Variants in FAM171A1 observed in about 807,000 individuals in gnomAD.
FAM171A1 encodes the protein family with sequence similarity 171 member A1, also known as protein FAM171A1.
A neutral mutation model predicts 74.9 loss-of-function variants in FAM171A1; 23 were observed. That is an observed-to-expected ratio of 0.31 (90% CI 0.22 to 0.44). The LOEUF (loss-of-function observed/expected upper bound fraction) is 0.44. Among genes scored for constraint, FAM171A1 ranks in the 20% least tolerant of loss-of-function variants. The probability of loss-of-function intolerance (pLI) is 1.00; values close to 1 mark genes in which losing one functional copy is unlikely to be tolerated. For synonymous variants in FAM171A1, 527 were observed against 505.7 expected (o/e 1.04, Z -0.57); for missense variants, 1,162 against 1,159.2 (o/e 1.00, Z -0.03).
chr10:15,248,616 G>A (rs1294485511), intron 5 of FAM171A1, 23 bp downstream of exon 5: 8 of 1,568,682 alleles, frequency 5.1e-6, no homozygotes, highest in South Asian at 1.2e-5. Flanking sequence ...GTAGCCGATT[G>A]TCGGCACAGA....
At chr10:15,348,563 G>A (rs895718571) in intron 1 of FAM171A1, among the ~76,000 whole-genome samples, 8 of 152,138 alleles carry the variant, frequency 5.3e-5, no homozygotes, top group African/African-American at 1.2e-4. Flanking sequence ...CTATGACGGC[G>A]TCCTGGCTCT....
chr10:15,334,417 G>C (rs1356630508), intron 1 of FAM171A1, among the ~76,000 whole-genome samples: 1 of 152,190 alleles, frequency 6.6e-6, no homozygotes, highest in African/African-American at 2.4e-5. Flanking sequence ...GAAACATTTG[G>C]TGGTTAACCG....
chr10:15,339,024 C>A (rs1835734510), intron 1 of FAM171A1, among the ~76,000 whole-genome samples: 1 of 152,210 alleles, frequency 6.6e-6, no homozygotes, highest in African/African-American at 2.4e-5. Flanking sequence ...TAGGCATGAG[C>A]CACCGCACCC....
At chr10:15,251,377 TC>T (rs750745227) in intron 4 of FAM171A1, among the ~76,000 whole-genome samples, 82 of 151,434 alleles carry the variant, frequency 5.4e-4, no homozygotes, top group Non-Finnish European at 1.1e-3. Flanking sequence ...TCCCTCTATG[TC>T]CCCATGTTGT....
At chr10:15,272,043 C>T (rs1480690374) in intron 3 of FAM171A1, among the ~76,000 whole-genome samples, 1 of 152,086 alleles carries the variant, frequency 6.6e-6, no homozygotes, top group Non-Finnish European at 1.5e-5. Flanking sequence ...GAATATTAAC[C>T]TTAAATGTAA....
intron 1 of FAM171A1, among the ~76,000 whole-genome samples, chr10:15,360,840 A>G (rs1046844096): frequency 6.6e-6 from 1 of 151,672 alleles, no homozygotes; most frequent in African/African-American, 2.4e-5. Flanking sequence ...GCCCAACATC[A>G]CCCTGGCGGT....
rs544833037 is a variant in FAM171A1, at chr10:15,229,932, A to G, written c.755-8872T>C. On this transcript the variant is annotated intron_variant, in intron 5 of 7. Coordinates refer to ENST00000378116, the MANE Select transcript of FAM171A1 (RefSeq NM_001010924.2). ...CACCACCATCACCAACATCATCATC[A>G]TCACCATCACCATCATCACCATCAG... 9.3e-5 allele frequency among the ~76,000 whole-genome samples: 14 copies of G among 151,292 alleles called. 1 individual carries two copies. Among genetic ancestry groups the G allele is most frequent in the African/African-American group, 3.4e-4 (14 of 41,118 alleles).
intron 4 of FAM171A1, among the ~76,000 whole-genome samples, chr10:15,254,412 G>T (rs906959270): frequency 2.0e-4 from 31 of 152,208 alleles, no homozygotes; most frequent in African/African-American, 7.2e-4. Flanking sequence ...TAAAAAAATT[G>T]CAATTTCAAT....
intron 1 of FAM171A1, among the ~76,000 whole-genome samples, chr10:15,325,471 G>T (rs755131600): frequency 6.6e-6 from 1 of 152,120 alleles, no homozygotes; most frequent in African/African-American, 2.4e-5. Flanking sequence ...TGGAGCCACC[G>T]TACTCCAGCT....
intron 7 of FAM171A1, among the ~76,000 whole-genome samples, chr10:15,215,628 A>C (rs1441105708): frequency 6.6e-6 from 1 of 152,162 alleles, no homozygotes; most frequent in Non-Finnish European, 1.5e-5. Flanking sequence ...GGCCTCCTAA[A>C]GTGCTGGGAT....
rs1348140691 is a variant in FAM171A1 at position 15,221,032 on chromosome 10, A to C, written c.783T>G (p.Leu261=). Residue 261 remains leucine, a synonymous_variant, in exon 6 of 8, where the codon CTT becomes CTG. Coordinates refer to ENST00000378116, the MANE Select transcript of FAM171A1 (RefSeq NM_001010924.2). ...TCAGCTGGCTGCCTTCCTGGTGCAC[A>C]AGACCCAGACCGCTCTTCAGCCACG... The part of the protein sequence containing the change: ...LGTWLKSGLG[L]VHQEGSQLTW... 6.2e-7 allele frequency: 1 copy of C among 1,614,066 alleles called. No individual in the cohort carries two copies. The highest frequency in any genetic ancestry group is 2.2e-5 in the East Asian group (1 of 44,896).
intron 5 of FAM171A1, among the ~76,000 whole-genome samples, chr10:15,240,296 G>C (rs1379634066): frequency 2.0e-5 from 3 of 152,172 alleles, no homozygotes; most frequent in African/African-American, 7.2e-5. Flanking sequence ...AGGAGGCAGA[G>C]GTTGCGGTGA....
intron 1 of FAM171A1, among the ~76,000 whole-genome samples, chr10:15,296,410 ATC>A (rs1486002305): frequency 6.6e-6 from 1 of 152,220 alleles, no homozygotes; most frequent in African/African-American, 2.4e-5. Flanking sequence ...CTCAATAAGA[ATC>A]TGTTACAACT....
chr10:15,350,648 T>C (rs1835866765), intron 1 of FAM171A1, among the ~76,000 whole-genome samples: 1 of 147,090 alleles, frequency 6.8e-6, no homozygotes, highest in African/African-American at 2.6e-5. Flanking sequence ...GCCAATTCTC[T>C]CTTTTTTTTT....
upstream of FAM171A1, among the ~76,000 whole-genome samples, chr10:15,373,623 G>A (rs79992321): frequency 4.3e-3 from 657 of 152,272 alleles, 6 homozygotes; most frequent in African/African-American, 0.015. Context: ...GTGTACTACA[G>A]TTATATAAGA....
intron 1 of FAM171A1, among the ~76,000 whole-genome samples, chr10:15,331,472 G>A (rs919822452): frequency 1.3e-4 from 20 of 152,184 alleles, no homozygotes; most frequent in African/African-American, 4.8e-4. Flanking sequence ...GGGCACAGCA[G>A]GCTTGTGCTG....
In FAM171A1 at chr10:15,364,943, T is replaced by C. The variant is rs114925829; in HGVS notation, c.97+6013A>G. 7.0e-3 allele frequency among the ~76,000 whole-genome samples: 1,064 copies of C among 152,314 alleles called. 10 individuals are homozygous for C. The highest frequency in any genetic ancestry group is 0.024 in the African/African-American group (982 of 41,558). ...CCAGCTGGATGATAATTCAGACTAA[T>C]CTTCCCATCTCAAGATCCTTAACAG... On this transcript the variant is annotated intron_variant, in intron 1 of 7. Coordinates refer to ENST00000378116, the MANE Select transcript of FAM171A1 (RefSeq NM_001010924.2).
At chr10:15,294,311 C>T (rs1471205268) in intron 1 of FAM171A1, among the ~76,000 whole-genome samples, 1 of 152,202 alleles carries the variant, frequency 6.6e-6, no homozygotes. Context: ...GGCTCTCCTT[C>T]CACCGTGCAC....
At chr10:15,224,956 A>G (rs1435292298) in intron 5 of FAM171A1, among the ~76,000 whole-genome samples, 1 of 152,098 alleles carries the variant, frequency 6.6e-6, no homozygotes, top group Non-Finnish European at 1.5e-5. Context: ...CTCTCTTCCA[A>G]AAATCTACCC....
Sources: gnomAD v4.1 joint callset for allele counts (sites outside exome capture counted in the v4.1 genomes callset) on GRCh38, gnomAD v4.1.1 for gene constraint, MANE v1.5 for transcripts, NCBI Gene and HGNC (gene_info 2026-07-23, HGNC 2026-07-21) for gene names.